Variants in TIAM2 observed in about 807,000 individuals in gnomAD.
The protein encoded by TIAM2 is rho guanine nucleotide exchange factor TIAM2.
Under a neutral mutation model 152.9 loss-of-function variants are expected in TIAM2, and 80 were observed. The ratio of observed to expected loss-of-function variants is 0.52; its 90% CI spans 0.44 to 0.63. The LOEUF is 0.63. Among genes scored for constraint, TIAM2 ranks in the 30% least tolerant of loss-of-function variants. The probability of loss-of-function intolerance (pLI) is 0.00; values close to 1 mark genes in which losing one functional copy is unlikely to be tolerated. For missense variants in TIAM2, 1,965 were observed against 2,120.1 expected, an observed-to-expected ratio of 0.93 and a Z score of 1.44; for synonymous variants, 804 against 838.0, an observed-to-expected ratio of 0.96 and a Z score of 0.70.
chr6:155,163,977 T>TTTTGGCG (rs1780341415), intron 7 of TIAM2, among the ~76,000 whole-genome samples: 1 of 151,388 alleles, frequency 6.6e-6, no homozygotes. Flanking sequence ...TTTTTTTTTT[T>TTTTGGCG]GAGACGGAGT....
At chr6:155,212,199 G>GT (rs1257842234) in intron 15 of TIAM2, among the ~76,000 whole-genome samples, 2 of 152,142 alleles carry the variant, frequency 1.3e-5, no homozygotes, top group African/African-American at 2.4e-5. Context: ...GTGAATCCTT[G>GT]TTTTCAGGCC....
intron 1 of TIAM2, among the ~76,000 whole-genome samples, chr6:155,007,389 C>CTTTT (rs35138795): frequency 4.9e-5 from 7 of 143,786 alleles, no homozygotes; most frequent in Non-Finnish European, 9.1e-5. Flanking sequence ...TTCTTTCTTT[C>CTTTT]TTTTTTTTTT....
intron 1 of TIAM2, among the ~76,000 whole-genome samples, chr6:155,043,584 C>T (rs529451860): frequency 7.9e-4 from 108 of 137,130 alleles, no homozygotes; most frequent in Non-Finnish European, 1.1e-3. Flanking sequence ...CAGTAAGCAG[C>T]GATTGTGCCA....
At chr6:155,021,510 C>G (rs73579427) in intron 1 of TIAM2, among the ~76,000 whole-genome samples, 1 of 152,156 alleles carries the variant, frequency 6.6e-6, no homozygotes, top group African/African-American at 2.4e-5. Context: ...GATCCGCCCG[C>G]TGCAGCCTCC....
In TIAM2 at chr6:155,025,821, A is replaced by AACACAC. The variant is rs58173623; in HGVS notation, c.-209+30379_-209+30384dup. Among the ~76,000 whole-genome samples, 670 of 131,844 alleles carry AACACAC rather than the reference A, an allele frequency of 5.1e-3. 5 individuals are homozygous for AACACAC. Among genetic ancestry groups the AACACAC allele is most frequent in the East Asian group, 0.014 (61 of 4,480 alleles). The allele number at this position is 131,844 out of a possible 152,430, so 86.5% of individuals were successfully genotyped here. A position where few individuals can be genotyped will look rare whatever the true frequency, so the allele number is the denominator to read the frequency against. On this transcript the variant is annotated intron_variant, in intron 1 of 26. Coordinates refer to ENST00000682666, the MANE Select transcript of TIAM2 (RefSeq NM_012454.4). Reference sequence around the variant, plus strand: ...AACACATGTGAGCACCTCCCCCTCAAACACACACACACACACACACACACA... The same window carrying AACACAC: ...AACACATGTGAGCACCTCCCCCTCAAACACACACACACACACACACACACACACACA...
At chr6:155,178,092 T>C (rs1254641791) in intron 10 of TIAM2, among the ~76,000 whole-genome samples, 1 of 143,014 alleles carries the variant, frequency 7.0e-6, no homozygotes, top group Non-Finnish European at 1.5e-5. Flanking sequence ...ACCTGGGAGG[T>C]GGAGCTTGCC....
intron 2 of TIAM2, among the ~76,000 whole-genome samples, chr6:155,093,202 GATA>G (rs1265129932): frequency 7.9e-5 from 12 of 152,124 alleles, no homozygotes; most frequent in Admixed American, 2.6e-4. Flanking sequence ...GTAAAATAAT[GATA>G]ATAATACAGT....
At chr6:155,095,023 G>A (rs554431063) in intron 2 of TIAM2, among the ~76,000 whole-genome samples, 1 of 152,166 alleles carries the variant, frequency 6.6e-6, no homozygotes, top group South Asian at 2.1e-4. Context: ...GGAGTTGCCT[G>A]GCAGCATATC....
rs752594520 is a variant in TIAM2 at position 155,245,628 on chromosome 6, A to G, written c.3549A>G (p.Leu1183=). 6.2e-7 allele frequency: 1 copy of G among 1,613,466 alleles called. No homozygotes were observed. The highest frequency in any genetic ancestry group is 1.1e-5 in the South Asian group (1 of 91,064). The change falls in exon 19 of 27, where the codon TTA becomes TTG. Residue 1183 remains leucine (L), a synonymous_variant. Transcript: ENST00000682666. ...TTTCCCCTCTGCCCTTCTAGAAATTACTGTTTTCCCTTGGAGGCTCTTTCC... is the reference window on the plus strand; with the variant it reads ...TTTCCCCTCTGCCCTTCTAGAAATTGCTGTTTTCCCTTGGAGGCTCTTTCC... ...TLETPSQFRK[L]LFSLGGSFLY...
rs139131436 is a variant in TIAM2 at position 155,073,841 on chromosome 6, C to T, written c.-208-16448C>T. On this transcript the variant is annotated intron_variant, in intron 1 of 26. Transcript: ENST00000682666. ...CTTCCCATAGGGCAGAGTGGGAGTG[C>T]TTCTCAACAAAATACTCATTAGGAC... is the stretch of plus-strand genomic sequence containing the variant. Among the ~76,000 whole-genome samples, 286 of 152,294 alleles carry T rather than the reference C, an allele frequency of 1.9e-3. 2 individuals carry two copies. The highest frequency in any genetic ancestry group is 6.6e-3 in the African/African-American group (274 of 41,550).
chr6:155,003,830 A>C (rs1276097937), intron 1 of TIAM2, among the ~76,000 whole-genome samples: 1 of 152,042 alleles, frequency 6.6e-6, no homozygotes, highest in East Asian at 1.9e-4. Flanking sequence ...AAAATACAAA[A>C]ATTAGCTGGG....
chr6:155,038,218 C>G (rs114336390), intron 1 of TIAM2, among the ~76,000 whole-genome samples: 1,697 of 152,302 alleles, frequency 0.011, 31 homozygotes, highest in African/African-American at 0.039. Context: ...GCCTTCTCGC[C>G]CGTTATCCTT....
chr6:155,203,048 C>CAAAAAAAAAAAAAAAAA (rs59836931), intron 14 of TIAM2, among the ~76,000 whole-genome samples: 62 of 78,874 alleles, frequency 7.9e-4, no homozygotes, highest in African/African-American at 2.2e-3. Flanking sequence ...AACTCTGTCT[C>CAAAAAAAAAAAAAAAAA]AAAAAAAAAA....
At chr6:155,030,519 G>A (rs1372662148) in intron 1 of TIAM2, among the ~76,000 whole-genome samples, 2 of 152,104 alleles carry the variant, frequency 1.3e-5, no homozygotes, top group East Asian at 3.9e-4. Flanking sequence ...CTTTTAACCT[G>A]CGTCCAAACC....
Position 155,165,318 on chromosome 6 carries a change from G to T in TIAM2, c.2270G>T (p.Arg757Leu). Residue 757 changes from arginine to leucine, a missense_variant, in exon 9 of 27, where the codon CGA becomes CTA. This residue lies in a region of TIAM2 where 1,025 missense variants were observed against 1,119.4 expected (regional missense o/e 0.92). Transcript: ENST00000682666. Reference protein sequence around the residue: ...LRKRTLSLTQRGRNKKGIFSS... With the variant: ...LRKRTLSLTQLGRNKKGIFSS... ...AAAAGGACACTGTCACTGACCCAGC[G>T]AGGGAGAAACAAGAAGGGAATATTT... 6.2e-7 allele frequency: 1 copy of T among 1,614,104 alleles called. No individual in the cohort carries two copies. Among genetic ancestry groups the T allele is most frequent in the Non-Finnish European group, 8.5e-7 (1 of 1,180,018 alleles).
chr6:155,024,012 T>G (rs1051693028), intron 1 of TIAM2, among the ~76,000 whole-genome samples: 2 of 152,090 alleles, frequency 1.3e-5, no homozygotes, highest in African/African-American at 4.8e-5. Flanking sequence ...CACTTAATAC[T>G]CTGCATGCGG....
intron 1 of TIAM2, among the ~76,000 whole-genome samples, chr6:155,064,344 T>C (rs1297227446): frequency 6.6e-6 from 1 of 152,144 alleles, no homozygotes; most frequent in Non-Finnish European, 1.5e-5. Context: ...CTCTAGAACA[T>C]GAAAAATGAC....
intron 1 of TIAM2, among the ~76,000 whole-genome samples, chr6:154,996,723 A>G (rs1465775746): frequency 6.6e-6 from 1 of 152,214 alleles, no homozygotes; most frequent in African/African-American, 2.4e-5. Flanking sequence ...ACTTGTGTGT[A>G]TACACTCTTA....
At chr6:155,202,002 T>C (rs1483204392) in intron 14 of TIAM2, among the ~76,000 whole-genome samples, 1 of 149,108 alleles carries the variant, frequency 6.7e-6, no homozygotes, top group Non-Finnish European at 1.5e-5. Context: ...TTCAGACTGC[T>C]GCTTTGAATT....
Sources: gnomAD v4.1 joint callset for allele counts (sites outside exome capture counted in the v4.1 genomes callset) on GRCh38, gnomAD v4.1.1 for gene constraint, gnomAD v4.1.1 regional missense constraint, MANE v1.5 for transcripts, NCBI Gene and HGNC (gene_info 2026-07-23, HGNC 2026-07-21) for gene names.